Variants in SLC25A48 observed in about 807,000 individuals in gnomAD.
The protein encoded by SLC25A48 is solute carrier family 25 member 48.
A neutral mutation model predicts 32.2 loss-of-function variants in SLC25A48; 29 were observed. That is an observed-to-expected ratio of 0.90 (90% CI 0.67 to 1.23). The LOEUF (loss-of-function observed/expected upper bound fraction) is 1.23. Among genes scored for constraint, SLC25A48 ranks in the 50% most tolerant of loss-of-function variants. SLC25A48 has a pLI of 0.00. For missense variants in SLC25A48, 399 were observed against 422.7 expected (o/e 0.94, Z 0.49); for synonymous variants, 164 against 172.3 (o/e 0.95, Z 0.38).
chr5:135,796,849 T>C (rs1009529522), intron 3 of SLC25A48, among the ~76,000 whole-genome samples: 1 of 151,864 alleles, frequency 6.6e-6, no homozygotes, highest in Middle Eastern at 3.4e-3. Flanking sequence ...GTGATACTGT[T>C]CCTAATATCT....
intron 1 of SLC25A48, among the ~76,000 whole-genome samples, chr5:135,602,696 G>A (rs1751828373): frequency 6.7e-6 from 1 of 149,974 alleles, no homozygotes; most frequent in African/African-American, 2.5e-5. Context: ...CATGTGCCAT[G>A]TTGGTTTGCT....
intron 3 of SLC25A48, among the ~76,000 whole-genome samples, chr5:135,716,647 G>A (rs1490697954): frequency 6.6e-6 from 1 of 152,160 alleles, no homozygotes; most frequent in African/African-American, 2.4e-5. Context: ...GGTAAAGAAA[G>A]GACTCTTGTC....
In SLC25A48 at chr5:135,841,709, GT is replaced by G. The variant is rs370901904; in HGVS notation, c.47-706del. ...AGAGGAGTCACTAGGAGATGTGTGGGTGGGGGGTATAAAACAGGTGGAAGAT... is the reference window on the plus strand; with the variant it reads ...AGAGGAGTCACTAGGAGATGTGTGGGGGGGGGTATAAAACAGGTGGAAGAT... On this transcript the variant is annotated intron_variant, in intron 1 of 7. Coordinates refer to ENST00000681962, the MANE Select transcript of SLC25A48 (RefSeq NM_001349336.2). Among the ~76,000 whole-genome samples the G allele has an allele frequency of 7.0e-3, 1,012 of 145,334 alleles. 12 individuals are homozygous for G. Among genetic ancestry groups the G allele is most frequent in the East Asian group, 0.02 (97 of 4,732 alleles).
intron 2 of SLC25A48, among the ~76,000 whole-genome samples, chr5:135,632,545 G>C (rs1052431752): frequency 6.6e-6 from 1 of 152,170 alleles, no homozygotes; most frequent in Non-Finnish European, 1.5e-5. Context: ...ACAAAGTCAA[G>C]GTTGATTCTG....
At chr5:135,681,175 A>G (rs1014855104) in intron 3 of SLC25A48, among the ~76,000 whole-genome samples, 3 of 152,132 alleles carry the variant, frequency 2.0e-5, no homozygotes, top group Non-Finnish European at 4.4e-5. Flanking sequence ...GGGTTTCTCC[A>G]TGTTGGTCAG....
At chr5:135,723,402 AC>A (rs1755016734) in intron 3 of SLC25A48, among the ~76,000 whole-genome samples, 1 of 80,436 alleles carries the variant, frequency 1.2e-5, no homozygotes, top group South Asian at 4.6e-4. Context: ...ACACACACAC[AC>A]ACACACACAC....
At chr5:135,867,859 T>C (rs1204924842) in intron 4 of SLC25A48, among the ~76,000 whole-genome samples, 1 of 152,218 alleles carries the variant, frequency 6.6e-6, no homozygotes, top group African/African-American at 2.4e-5. Flanking sequence ...GTAGTGCTAG[T>C]GCTGATGGAC....
At chr5:135,808,790 T>C (rs1757528402) in intron 3 of SLC25A48, among the ~76,000 whole-genome samples, 1 of 152,168 alleles carries the variant, frequency 6.6e-6, no homozygotes, top group Admixed American at 6.6e-5. Flanking sequence ...TCTGCCTTGG[T>C]CCTCTCATAC....
At chr5:135,830,609 A>G (rs1487475814), upstream of SLC25A48, among the ~76,000 whole-genome samples, 9 of 152,344 alleles carry the variant, frequency 5.9e-5, no homozygotes, top group East Asian at 1.7e-3. Flanking sequence ...AGTGCCATCA[A>G]CAAAGGAAGA....
At chr5:135,801,964 G>C (rs75113025) in intron 3 of SLC25A48, among the ~76,000 whole-genome samples, 1 of 151,710 alleles carries the variant, frequency 6.6e-6, no homozygotes, top group African/African-American at 2.4e-5. Flanking sequence ...ATTGCAGTGG[G>C]TGTACACCCC....
chr5:135,887,591 C>T (rs980456427), intron 7 of SLC25A48, among the ~76,000 whole-genome samples: 2 of 152,128 alleles, frequency 1.3e-5, no homozygotes, highest in African/African-American at 2.4e-5. Flanking sequence ...CGCAGGAATC[C>T]GCGTCTGGGA....
intron 4 of SLC25A48, among the ~76,000 whole-genome samples, chr5:135,813,829 C>T (rs4292443): frequency 0.35 from 53,587 of 151,968 alleles, 9,577 homozygotes; most frequent in Middle Eastern, 0.44. Flanking sequence ...GAGGGTGCTG[C>T]GCTGAGTGCA....
intron 4 of SLC25A48, among the ~76,000 whole-genome samples, chr5:135,819,013 T>C (rs1757810906): frequency 6.6e-6 from 1 of 151,884 alleles, no homozygotes; most frequent in African/African-American, 2.4e-5. Flanking sequence ...GATAGATCCA[T>C]ATGATTTACA....
chr5:135,655,602 G>A (rs1046963269), intron 3 of SLC25A48, among the ~76,000 whole-genome samples: 1 of 152,184 alleles, frequency 6.6e-6, no homozygotes, highest in Admixed American at 6.5e-5. Context: ...CAGCCCTGGT[G>A]GTCTTCAGTG....
chr5:135,771,627 G>A (rs1052170645), intron 3 of SLC25A48, among the ~76,000 whole-genome samples: 4 of 151,722 alleles, frequency 2.6e-5, no homozygotes, highest in South Asian at 4.2e-4. Flanking sequence ...CACAGGGGGT[G>A]TACACTTCCC....
intron 3 of SLC25A48, among the ~76,000 whole-genome samples, chr5:135,785,813 C>T (rs1415814682): frequency 6.7e-6 from 1 of 149,738 alleles, no homozygotes; most frequent in African/African-American, 2.5e-5. Context: ...TAACATTACT[C>T]CCCATAGGGC....
At position 135,783,701 on chromosome 5, in the gene SLC25A48, G is replaced by A. The variant is rs1279931269; in HGVS notation, c.-520-28822G>A. On this transcript the variant is annotated intron_variant, in intron 3 of 10. Transcript: ENST00000646290. ...GATATTACTCCCAATATCGAAGGGC[G>A]TGTACCCACCCCATGTGATACTGTT... 2.5e-5 allele frequency among the ~76,000 whole-genome samples: 3 copies of A among 118,254 alleles called. 1 individual carries two copies. The Admixed American group carries it at 2.6e-4, about 10-fold the overall frequency. 77.6% of individuals were successfully genotyped at this position (118,254 alleles called of 152,430 possible). A position where few individuals can be genotyped will look rare whatever the true frequency, so the allele number is the denominator to read the frequency against.
At chr5:135,837,061 AT>A (rs11320274) in intron 1 of SLC25A48, among the ~76,000 whole-genome samples, 38,236 of 146,844 alleles carry the variant, frequency 0.26, 5,932 homozygotes, top group African/African-American at 0.44. Context: ...TTATAATCCC[AT>A]TTTTTTAAAT....
intron 3 of SLC25A48, among the ~76,000 whole-genome samples, chr5:135,707,265 A>G (rs1754538552): frequency 6.6e-6 from 1 of 152,138 alleles, no homozygotes. Flanking sequence ...CCCATCTGAT[A>G]AGCCAGCTTT....
Sources: gnomAD v4.1 joint callset for allele counts (sites outside exome capture counted in the v4.1 genomes callset) on GRCh38, gnomAD v4.1.1 for gene constraint, MANE v1.5 for transcripts, NCBI Gene and HGNC (gene_info 2026-07-23, HGNC 2026-07-21) for gene names.